MZT2A: variants seen among roughly 807,000 people sequenced by gnomAD.
MZT2A encodes the protein mitotic spindle organizing protein 2A, also known as mitotic-spindle organizing protein 2A.
Under a neutral mutation model 12.4 loss-of-function variants are expected in MZT2A, and 8 were observed. The observed-to-expected ratio is 0.64, with a 90% confidence interval of 0.38 to 1.16. The LOEUF is 1.16. Ranked by LOEUF, MZT2A falls within the 50% of genes most tolerant of loss-of-function variation. MZT2A has a pLI of 0.01. For synonymous variants in MZT2A, 88 were observed against 107.5 expected (o/e 0.82, Z 1.12); for missense variants, 181 against 223.6 (o/e 0.81, Z 1.22).
chr2:131,487,635 AG>A (rs1679104271), intron 2 of MZT2A, among the ~76,000 whole-genome samples: 1 of 152,250 alleles, frequency 6.6e-6, no homozygotes, highest in Admixed American at 6.5e-5. Flanking sequence ...GTTTCTTTGT[AG>A]AAATGGGTGG....
chr2:131,475,706 G>C (rs112775275), intron 2 of MZT2A, among the ~76,000 whole-genome samples: 25,873 of 152,032 alleles, frequency 0.17, 4,043 homozygotes, highest in African/African-American at 0.41. Context: ...AGGGAAGAGG[G>C]GGATAATTGC....
intron 2 of MZT2A, among the ~76,000 whole-genome samples, chr2:131,474,377 A>T (rs1312826577): frequency 7.0e-6 from 1 of 142,602 alleles, no homozygotes; most frequent in Admixed American, 7.2e-5. Flanking sequence ...GATTACAGGC[A>T]TGAGCCACCG....
upstream of MZT2A, chr2:131,492,796 G>GGGGGGC: frequency 1.1e-5 from 9 of 853,254 alleles, no homozygotes; most frequent in Non-Finnish European, 1.4e-5. Context: ...GGGGTGGGGG[G>GGGGGGC]CACTAATCAA....
downstream of MZT2A, chr2:131,480,542 C>T (rs137932380): frequency 2.3e-3 from 3,664 of 1,607,258 alleles, 69 homozygotes; most frequent in South Asian, 6.8e-3. Flanking sequence ...AGGCCTACCA[C>T]GAGCAGCTGT....
intron 2 of MZT2A, among the ~76,000 whole-genome samples, chr2:131,474,496 G>A (rs528253032): frequency 4.3e-5 from 6 of 137,972 alleles, no homozygotes; most frequent in East Asian, 2.5e-4. Flanking sequence ...TGCAAACTCC[G>A]CCTCCCGGGT....
chr2:131,475,137 A>AT (rs70994778), intron 2 of MZT2A, among the ~76,000 whole-genome samples: 1,927 of 150,020 alleles, frequency 0.013, 26 homozygotes, highest in Middle Eastern at 0.039. Flanking sequence ...ATTTTATTTT[A>AT]TTTTTTTGTA....
chr2:131,491,944 C>G lies in MZT2A; in HGVS notation c.251G>C (p.Arg84Thr). The change falls in exon 2 of 3, where the codon AGG (arginine) becomes ACG (threonine). Residue 84 changes from arginine to threonine, a missense_variant. Arg to Thr is a moderately conservative substitution (Grantham distance 71, BLOSUM62 -1). Around this residue, in one of 3 missense-constraint regions of MZT2A, gnomAD observed 106 missense variants for 127.2 expected, o/e 0.83. Transcript: ENST00000309451. ...QMLKSMCAGQ[R>T]LASEPQDPAA... ...AGGGTCCTGGGGCTCGCTCGCTAGC[C>G]TCTGCCCGGCACACATGGACTTGAG... 6.5e-7 allele frequency: 1 copy of G among 1,541,990 alleles called. No individual in the cohort carries two copies. The highest frequency in any genetic ancestry group is 8.8e-7 in the Non-Finnish European group (1 of 1,141,676).
At position 131,472,000 on chromosome 2, in the gene MZT2A, A is replaced by G. The variant is rs1046715373; in HGVS notation, c.393+68T>C. On this transcript the variant is annotated intron_variant and NMD_transcript_variant, in intron 3 of 4. Coordinates refer to the MZT2A transcript ENST00000427024. The stretch of plus-strand genomic sequence containing the variant: ...CCCAAGGAGGTCTTTAAACATCTGT[A>G]TGAACAGAATCTTACAAAACTCTGC... 9.6e-6 allele frequency: 12 copies of G among 1,244,808 alleles called. No homozygotes were observed. In the East Asian group the frequency reaches 2.3e-4, roughly 24 times the overall value. 77.1% of individuals were successfully genotyped at this position (1,244,808 alleles called of 1,614,324 possible).
At chr2:131,484,349 G>A in intron 2 of MZT2A, 131 bp from the exon 3 acceptor site, 5 of 1,391,920 alleles carry the variant, frequency 3.6e-6, no homozygotes, top group South Asian at 2.8e-5. Context: ...TAGAGGCCCT[G>A]CATCAGCCCC....
chr2:131,492,447 C>T (rs1275572565), upstream of MZT2A: 5 of 1,185,996 alleles, frequency 4.2e-6, no homozygotes, highest in Non-Finnish European at 5.2e-6. Flanking sequence ...CGCCCTCTCC[C>T]TGCAGCGCCA....
In MZT2A at chr2:131,484,388, C is replaced by G. The variant is rs138714288; in HGVS notation, c.320-170G>C. Among the ~76,000 whole-genome samples, 16 of 152,358 alleles carry G rather than the reference C, an allele frequency of 1.1e-4. 1 individual carries two copies. The East Asian group carries it at 2.9e-3, about 28-fold the overall frequency. On this transcript the variant is annotated intron_variant, in intron 2 of 2. Transcript: ENST00000309451. Reference sequence around the variant, plus strand: ...TCCTGAGACTCAGAACCACTAAAGACAGGTCACGCCCCAGAAGCCCTTGGC... The same window carrying G: ...TCCTGAGACTCAGAACCACTAAAGAGAGGTCACGCCCCAGAAGCCCTTGGC...
In MZT2A at chr2:131,476,105, C is replaced by T. The variant is rs1317324523; in HGVS notation, c.279-3923G>A. The T allele has an allele frequency of 1.0e-5, 16 of 1,584,242 alleles. No individual in the cohort carries two copies. The East Asian group carries it at 2.8e-4, about 28-fold the overall frequency. ...GCACCGGCGGGCCAATCCCGTGCGG[C>T]GCGCACAGGCAGGAGGTTGCAGTTG... On this transcript the variant is annotated intron_variant and NMD_transcript_variant, in intron 2 of 4. Transcript: ENST00000427024.
downstream of MZT2A, chr2:131,483,839 G>T: frequency 9.5e-7 from 1 of 1,055,944 alleles, no homozygotes; most frequent in Non-Finnish European, 1.2e-6. Context: ...ATCAGGTTCA[G>T]GAAGTTGACC....
In MZT2A at chr2:131,492,207, T is replaced by G; in HGVS notation, c.170A>C (p.Lys57Thr). The G allele has an allele frequency of 1.3e-6, 2 of 1,575,266 alleles. No individual in the cohort carries two copies. Among genetic ancestry groups the G allele is most frequent in the Non-Finnish European group, 1.7e-6 (2 of 1,165,010 alleles). Reference protein sequence around the residue: ...AGGGIDPDVFKILVDLLKLNV... With the variant: ...AGGGIDPDVFTILVDLLKLNV... ...TGCGGCCCCCACCCGCCCCGCTCACTTGAACACGTCGGGGTCGATACCGCC... is the reference window on the plus strand; with the variant it reads ...TGCGGCCCCCACCCGCCCCGCTCACGTGAACACGTCGGGGTCGATACCGCC... Residue 57 changes from lysine to threonine, a missense_variant and splice_region_variant, in exon 1 of 3, where the codon AAG becomes ACG. Transcript: ENST00000309451.
intron 2 of MZT2A, chr2:131,489,339 T>C (rs1679192784): frequency 6.7e-6 from 1 of 148,892 alleles, no homozygotes; most frequent in Admixed American, 6.7e-5. Context: ...GGAATACAGA[T>C]GGGCGCCACC....
At chr2:131,479,073 T>C (rs4065349), downstream of MZT2A, among the ~76,000 whole-genome samples, 25,976 of 152,258 alleles carry the variant, frequency 0.17, 4,066 homozygotes, top group African/African-American at 0.42. Context: ...GGGAACTGGT[T>C]GTGCTGACAT....
At chr2:131,492,079 C>A (rs1281534165) in intron 1 of MZT2A, 55 bp from the exon 2 acceptor site, 2 of 1,568,260 alleles carry the variant, frequency 1.3e-6, no homozygotes, top group Non-Finnish European at 1.7e-6. Context: ...GCGGCCACCT[C>A]CCTGAAGACC....
upstream of MZT2A, chr2:131,492,786 G>T (rs1573881265): frequency 7.4e-6 from 10 of 1,356,084 alleles, no homozygotes; most frequent in Middle Eastern, 2.9e-4. Context: ...CTCTTCGGGG[G>T]GGGTGGGGGG....
At chr2:131,491,678 C>T in intron 2 of MZT2A, 198 bp downstream of exon 2, 1 of 806,490 alleles carries the variant, frequency 1.2e-6, no homozygotes, top group Non-Finnish European at 1.9e-6. Context: ...TCTGCGTCCA[C>T]CTGACCTGGA....
Sources: gnomAD v4.1 joint callset for allele counts (sites outside exome capture counted in the v4.1 genomes callset) on GRCh38, gnomAD v4.1.1 for gene constraint, gnomAD v4.1.1 regional missense constraint, MANE v1.5 for transcripts, NCBI Gene and HGNC (gene_info 2026-07-23, HGNC 2026-07-21) for gene names.